The following RABGAP1L variants were observed in gnomAD, a reference collection of about 807,000 sequenced individuals.
RABGAP1L encodes rab GTPase-activating protein 1-like.
Under a neutral mutation model 137.7 loss-of-function variants are expected in RABGAP1L, and 63 were observed. That is an observed-to-expected ratio of 0.46 (90% CI 0.37 to 0.56). RABGAP1L has a LOEUF of 0.56. Ranked by LOEUF, RABGAP1L falls within the 20% of genes least tolerant of loss-of-function variation. RABGAP1L has a pLI of 0.00. For synonymous variants in RABGAP1L, 431 were observed against 433.7 expected (o/e 0.99, Z 0.08); for missense variants, 1,095 against 1,244.0 (o/e 0.88, Z 1.80).
rs1672003492 is a variant in RABGAP1L at position 174,990,777 on chromosome 1, A to G, written c.*776A>G. 6.6e-6 allele frequency: 1 copy of G among 152,196 alleles called. No individual in the cohort carries two copies. The highest frequency in any genetic ancestry group is 2.1e-4 in the South Asian group (1 of 4,836). 9.4% of individuals were successfully genotyped at this position (152,196 alleles called of 1,614,324 possible). ...ATGGACACAGATGTGACTTCTGGCAATTATAAAGTTAAAGGTGGATATTGC... is the reference window on the plus strand; with the variant it reads ...ATGGACACAGATGTGACTTCTGGCAGTTATAAAGTTAAAGGTGGATATTGC... On this transcript the variant is annotated 3_prime_UTR_variant, in exon 26 of 26. Transcript: ENST00000681986.
chr1:174,576,283 T>C (rs1453243637), intron 13 of RABGAP1L, among the ~76,000 whole-genome samples: 2 of 152,162 alleles, frequency 1.3e-5, no homozygotes, highest in Admixed American at 1.3e-4. Flanking sequence ...CCCTATCTTA[T>C]CCACATGAAC....
At chr1:174,580,520 C>T (rs1668661361) in intron 13 of RABGAP1L, among the ~76,000 whole-genome samples, 1 of 152,092 alleles carries the variant, frequency 6.6e-6, no homozygotes, top group Non-Finnish European at 1.5e-5. Flanking sequence ...TCTCAGCAAA[C>T]TATCACAAGG....
intron 13 of RABGAP1L, among the ~76,000 whole-genome samples, chr1:174,500,959 T>C (rs1661206301): frequency 6.6e-6 from 1 of 152,202 alleles, no homozygotes; most frequent in Admixed American, 6.5e-5. Context: ...TTTTTGTCAT[T>C]TGTTTTTTAC....
intron 20 of RABGAP1L, among the ~76,000 whole-genome samples, chr1:174,962,194 A>ACCC (rs773567592): frequency 1.3e-3 from 51 of 40,422 alleles, no homozygotes; most frequent in African/African-American, 3.9e-3. Context: ...AAATAAAAAT[A>ACCC]CACCCCCCCC....
intron 18 of RABGAP1L, among the ~76,000 whole-genome samples, chr1:174,775,404 C>T (rs1279534578): frequency 6.6e-6 from 1 of 151,814 alleles, no homozygotes; most frequent in Non-Finnish European, 1.5e-5. Context: ...ACCTCCACCT[C>T]CCAGGTTCAA....
chr1:174,270,539 A>C (rs1312406296), intron 7 of RABGAP1L, among the ~76,000 whole-genome samples: 1 of 152,156 alleles, frequency 6.6e-6, no homozygotes, highest in Non-Finnish European at 1.5e-5. Flanking sequence ...GACAGACTTT[A>C]TCTCTACATA....
chr1:174,644,022 T>C (rs955005697), intron 14 of RABGAP1L, among the ~76,000 whole-genome samples: 1 of 152,050 alleles, frequency 6.6e-6, no homozygotes, highest in African/African-American at 2.4e-5. Context: ...TCATTTATTG[T>C]ATTTGTTAGT....
Position 174,981,503 on chromosome 1 carries a change from T to G in RABGAP1L, c.2734-1331T>G, listed in dbSNP as rs113514770. Reference sequence around the variant, plus strand: ...ATAATAGAGGTAGACCATATATGTTTTTATCCAAAATTATACTTTAAAATT... The same window carrying G: ...ATAATAGAGGTAGACCATATATGTTGTTATCCAAAATTATACTTTAAAATT... On this transcript the variant is annotated intron_variant, in intron 23 of 25. Transcript: ENST00000681986. Among the ~76,000 whole-genome samples the G allele has an allele frequency of 5.3e-3, 807 of 150,934 alleles. 10 individuals are homozygous for G. Among genetic ancestry groups the G allele is most frequent in the African/African-American group, 0.018 (740 of 41,254 alleles).
chr1:174,612,130 C>T lies in RABGAP1L; in HGVS notation c.1711-25245C>T, dbSNP rs550932752. Among the ~76,000 whole-genome samples, 18 of 152,010 alleles carry T rather than the reference C, an allele frequency of 1.2e-4. 1 individual carries two copies. The highest frequency in any genetic ancestry group is 9.9e-4 in the Admixed American group (15 of 15,192). ...GGTGAGAGAGGGCATCCCTGTCTTG[C>T]ACCTGTTTTCAAAGGGAATGCTTCC... is the stretch of plus-strand genomic sequence containing the variant. On this transcript the variant is annotated intron_variant, in intron 13 of 25. Transcript: ENST00000681986.
intron 11 of RABGAP1L, among the ~76,000 whole-genome samples, chr1:174,319,564 A>G (rs1024612749): frequency 1.3e-5 from 2 of 152,282 alleles, no homozygotes; most frequent in African/African-American, 2.4e-5. Context: ...TGCATTTACT[A>G]GGACTTTCTG....
chr1:174,682,005 G>C, intron 14 of RABGAP1L, among the ~76,000 whole-genome samples: 1 of 152,146 alleles, frequency 6.6e-6, no homozygotes. Flanking sequence ...GGCAGGCCGG[G>C]CATGGTGGAT....
intron 1 of RABGAP1L, among the ~76,000 whole-genome samples, chr1:174,207,701 A>G (rs1668598704): frequency 6.6e-6 from 1 of 152,180 alleles, no homozygotes; most frequent in South Asian, 2.1e-4. Flanking sequence ...GCTAAAATAA[A>G]AATAGACTTG....
rs376861784 is a variant in RABGAP1L at position 174,388,201 on chromosome 1, A to C, written c.1560-5794A>C. Among the ~76,000 whole-genome samples, 7 of 152,102 alleles carry C rather than the reference A, an allele frequency of 4.6e-5. No homozygotes were observed. In the East Asian group the frequency reaches 7.7e-4, roughly 17 times the overall value. On this transcript the variant is annotated intron_variant, in intron 12 of 25. Transcript: ENST00000681986. ...AGTATATATGCTCAGTGAAATTTTA[A>C]ACGTGTTTGAAAAGATTTTGAACTT...
chr1:174,181,248 C>T (rs958478350), intron 1 of RABGAP1L, among the ~76,000 whole-genome samples: 10 of 151,990 alleles, frequency 6.6e-5, no homozygotes, highest in African/African-American at 2.4e-4. Context: ...TTAAGTGATC[C>T]TCTCACTTTG....
intron 10 of RABGAP1L, among the ~76,000 whole-genome samples, chr1:174,304,183 A>G (rs1408548427): frequency 6.6e-6 from 1 of 152,122 alleles, no homozygotes; most frequent in African/African-American, 2.4e-5. Flanking sequence ...TGATATGAAC[A>G]TAAGGTCTTT....
intron 21 of RABGAP1L, among the ~76,000 whole-genome samples, chr1:174,972,853 C>CAAAAAAA (rs373159573): frequency 1.9e-5 from 1 of 52,822 alleles, no homozygotes; most frequent in African/African-American, 7.5e-5. Context: ...GACTCTGTCT[C>CAAAAAAA]AAAAAAAAAA....
At chr1:174,532,068 T>C (rs1026403446) in intron 13 of RABGAP1L, among the ~76,000 whole-genome samples, 5 of 151,392 alleles carry the variant, frequency 3.3e-5, no homozygotes, top group Admixed American at 6.6e-5. Flanking sequence ...AATTAGAAAA[T>C]CTAGTATGAG....
intron 19 of RABGAP1L, among the ~76,000 whole-genome samples, chr1:174,937,632 A>ATATATATATATATATATATATATATC (rs1190513202): frequency 1.6e-5 from 2 of 128,600 alleles, no homozygotes; most frequent in Non-Finnish European, 3.2e-5. Flanking sequence ...ATATATATAT[A>ATATATATATATATATATATATATATC]TATCTTGCAG....
chr1:174,873,920 T>A (rs1558175382), intron 19 of RABGAP1L, among the ~76,000 whole-genome samples: 1 of 152,214 alleles, frequency 6.6e-6, no homozygotes, highest in Non-Finnish European at 1.5e-5. Context: ...AATAGCCACT[T>A]CTTATTCAAG....
Sources: allele counts gnomAD v4.1 joint callset (sites outside exome capture counted in the v4.1 genomes callset), GRCh38; gene constraint gnomAD v4.1.1; transcripts MANE v1.5; gene names NCBI Gene and HGNC (gene_info 2026-07-23, HGNC 2026-07-21).